ZNF407: variants seen among roughly 807,000 people sequenced by gnomAD.
ZNF407 encodes the protein zinc finger protein 407.
Under a neutral mutation model 131.2 loss-of-function variants are expected in ZNF407, and 17 were observed. That is an observed-to-expected ratio of 0.13 (90% CI 0.09 to 0.19). The LOEUF is 0.19. Ranked by LOEUF, ZNF407 falls within the 10% of genes least tolerant of loss-of-function variation. The probability of loss-of-function intolerance (pLI) is 1.00; values close to 1 mark genes in which losing one functional copy is unlikely to be tolerated. For missense variants in ZNF407, 2,681 were observed against 2,830.6 expected (o/e 0.95, Z 1.20); for synonymous variants, 1,156 against 1,062.0 (o/e 1.09, Z -1.72).
chr18:74,905,849 C>A (rs577459971), intron 7 of ZNF407: 1 of 152,110 alleles, frequency 6.6e-6, no homozygotes, highest in East Asian at 1.9e-4. Context: ...AGAAACTCTC[C>A]AACTAAAATT....
At chr18:74,822,580 T>C in intron 4 of ZNF407, among the ~76,000 whole-genome samples, 1 of 152,196 alleles carries the variant, frequency 6.6e-6, no homozygotes, top group East Asian at 1.9e-4. Flanking sequence ...GTTGTAGATG[T>C]GTGGTGTTAT....
chr18:74,766,779 T>G (rs1362325323), intron 3 of ZNF407, among the ~76,000 whole-genome samples: 1 of 152,238 alleles, frequency 6.6e-6, no homozygotes, highest in African/African-American at 2.4e-5. Context: ...TCAATTTACA[T>G]TTTCTCTTTG....
At chr18:74,621,980 T>A (rs1983529392) in intron 1 of ZNF407, among the ~76,000 whole-genome samples, 1 of 152,184 alleles carries the variant, frequency 6.6e-6, no homozygotes, top group Admixed American at 6.5e-5. Flanking sequence ...CCTCCACTGT[T>A]ATCTAGTGAA....
At chr18:74,711,145 C>A (rs900966922) in intron 3 of ZNF407, among the ~76,000 whole-genome samples, 2 of 152,126 alleles carry the variant, frequency 1.3e-5, no homozygotes, top group Non-Finnish European at 1.5e-5. Context: ...TATTAAGCTT[C>A]AAAATAAGTC....
At chr18:74,791,247 A>G (rs1052862297) in intron 4 of ZNF407, among the ~76,000 whole-genome samples, 12 of 152,228 alleles carry the variant, frequency 7.9e-5, no homozygotes, top group Non-Finnish European at 1.5e-4. Context: ...AGGTTGAATC[A>G]TATGAACTTG....
Position 75,017,807 on chromosome 18 carries a change from GC to G in ZNF407, c.5429-45341del, listed in dbSNP as rs374976810. 8.0e-4 allele frequency among the ~76,000 whole-genome samples: 121 copies of G among 152,138 alleles called. 3 individuals are homozygous for G. In the South Asian group the frequency reaches 0.023, roughly 29 times the overall value. ...GCTGCTCCTGTCTCTTTTTAGTATAGCCAAAGTTGTTCTTCTGAAAGAGCCC... is the reference window on the plus strand; with the variant it reads ...GCTGCTCCTGTCTCTTTTTAGTATAGCAAAGTTGTTCTTCTGAAAGAGCCC... On this transcript the variant is annotated intron_variant, in intron 8 of 8. Transcript: ENST00000299687.
In ZNF407 at chr18:75,055,451, A is replaced by G. The variant is rs531661445; in HGVS notation, c.5429-7699A>G. 2.6e-5 allele frequency among the ~76,000 whole-genome samples: 4 copies of G among 152,362 alleles called. No individual in the cohort carries two copies. In the East Asian group the frequency reaches 7.7e-4, roughly 29 times the overall value. ...CCGTCAAGATAACCTTAAAGCACGC[A>G]TTCTCATCTTCCTGAGTGAGATTTG... On this transcript the variant is annotated intron_variant, in intron 8 of 8. Transcript: ENST00000299687.
chr18:75,009,021 C>T (rs1972943594), intron 8 of ZNF407, among the ~76,000 whole-genome samples: 1 of 152,130 alleles, frequency 6.6e-6, no homozygotes, highest in African/African-American at 2.4e-5. Context: ...CCATTATCCT[C>T]CTTACAGCAT....
intron 4 of ZNF407, among the ~76,000 whole-genome samples, chr18:74,857,572 A>C (rs1352637029): frequency 6.6e-6 from 1 of 152,220 alleles, no homozygotes; most frequent in African/African-American, 2.4e-5. Context: ...ATTCTAAAAA[A>C]AAAATCAGAT....
At chr18:75,028,966 C>G (rs1973204374) in intron 8 of ZNF407, among the ~76,000 whole-genome samples, 2 of 152,186 alleles carry the variant, frequency 1.3e-5, no homozygotes, top group Admixed American at 6.5e-5. Context: ...AGCTGAAAAT[C>G]TGTATCGGGA....
chr18:74,838,014 A>AT (rs901615621), intron 4 of ZNF407, among the ~76,000 whole-genome samples: 2 of 152,094 alleles, frequency 1.3e-5, no homozygotes, highest in African/African-American at 4.8e-5. Flanking sequence ...TGTTCACTAC[A>AT]TTTTTTCAAC....
intron 4 of ZNF407, among the ~76,000 whole-genome samples, chr18:74,845,163 A>G (rs905274487): frequency 1.3e-5 from 2 of 152,246 alleles, no homozygotes; most frequent in Non-Finnish European, 2.9e-5. Context: ...GTCAACCTTA[A>G]ATTTCTTCAT....
Position 74,633,790 on chromosome 18 carries a change from A to G in ZNF407, c.2771A>G (p.Glu924Gly). Reference protein sequence around the residue: ...KHSSDIIVGPEGGSLEAGKKN... With the variant: ...KHSSDIIVGPGGGSLEAGKKN... The stretch of plus-strand genomic sequence containing the variant: ...AGTTCAGATATCATTGTTGGCCCTG[A>G]AGGGGGTAGCCTTGAAGCTGGTAAA... Residue 924 changes from glutamate to glycine, a missense_variant, in exon 2 of 9, where the codon GAA becomes GGA. Around this residue, in one of 6 missense-constraint regions of ZNF407, gnomAD observed 1,789 missense variants for 1,748.7 expected, o/e 1.02. Coordinates refer to ENST00000299687, the MANE Select transcript of ZNF407 (RefSeq NM_017757.3). 2 of 1,613,984 alleles carry G rather than the reference A, an allele frequency of 1.2e-6. No homozygotes were observed. The highest frequency in any genetic ancestry group is 1.7e-6 in the Non-Finnish European group (2 of 1,179,886).
intron 3 of ZNF407, among the ~76,000 whole-genome samples, chr18:74,770,717 G>A (rs1969343149): frequency 6.6e-6 from 1 of 152,090 alleles, no homozygotes; most frequent in South Asian, 2.1e-4. Flanking sequence ...GAAATTGTGG[G>A]TAGGTGTGTG....
intron 1 of ZNF407, among the ~76,000 whole-genome samples, chr18:74,605,842 C>G (rs536801270): frequency 6.6e-6 from 1 of 152,224 alleles, no homozygotes; most frequent in Non-Finnish European, 1.5e-5. Flanking sequence ...CAGCAAAAAC[C>G]CAGCCCACGT....
At chr18:74,717,994 A>G (rs1001107018) in intron 3 of ZNF407, among the ~76,000 whole-genome samples, 2 of 152,170 alleles carry the variant, frequency 1.3e-5, no homozygotes, top group African/African-American at 4.8e-5. Flanking sequence ...ACTGGTGGAT[A>G]AAGCTAATTT....
chr18:74,632,417 A>C lies in ZNF407; in HGVS notation c.1398A>C (p.Thr466=). Residue 466 remains threonine (T), a synonymous_variant, in exon 2 of 9, where the codon ACA becomes ACC. Coordinates refer to ENST00000299687, the MANE Select transcript of ZNF407 (RefSeq NM_017757.3). ...GGATGTATATGAAACACTTGAGAACACAGATGAAAACACACGATGCAGAAT... is the reference window on the plus strand; with the variant it reads ...GGATGTATATGAAACACTTGAGAACCCAGATGAAAACACACGATGCAGAAT... ...TQRMYMKHLR[T]QMKTHDAESV... 3 of 1,614,064 alleles carry C rather than the reference A, an allele frequency of 1.9e-6. No homozygotes were observed. The East Asian group carries it at 6.7e-5, about 36-fold the overall frequency.
At chr18:74,769,246 T>A (rs1009846618) in intron 3 of ZNF407, among the ~76,000 whole-genome samples, 2 of 152,220 alleles carry the variant, frequency 1.3e-5, no homozygotes, top group African/African-American at 4.8e-5. Context: ...TCAAATGATT[T>A]AATATACCAA....
intron 4 of ZNF407, 37 bp downstream of exon 4, chr18:74,781,539 A>C: frequency 7.0e-7 from 1 of 1,434,110 alleles, no homozygotes; most frequent in Non-Finnish European, 9.3e-7. Context: ...TAAAAATACA[A>C]TTTGATTTTT....
Sources: allele counts gnomAD v4.1 joint callset (sites outside exome capture counted in the v4.1 genomes callset), GRCh38; gene constraint gnomAD v4.1.1; regional missense constraint gnomAD v4.1.1; transcripts MANE v1.5; gene names NCBI Gene and HGNC (gene_info 2026-07-23, HGNC 2026-07-21).